SLX4IP: variants seen among roughly 807,000 people sequenced by gnomAD.
SLX4IP encodes protein SLX4IP.
A neutral mutation model predicts 32.9 loss-of-function variants in SLX4IP; 34 were observed. The ratio of observed to expected loss-of-function variants is 1.03; its 90% CI spans 0.79 to 1.38. The LOEUF (loss-of-function observed/expected upper bound fraction) is 1.38, where lower values mean the gene tolerates loss of function less well. SLX4IP is among the 40% of genes most tolerant of loss of function. The pLI, the probability that SLX4IP is intolerant of heterozygous loss-of-function variation, is 0.00. For synonymous variants in SLX4IP, 172 were observed against 171.7 expected (o/e 1.00, Z -0.01); for missense variants, 444 against 479.0 (o/e 0.93, Z 0.68).
chr20:10,621,018 C>T (rs1568778280), intron 6 of SLX4IP, among the ~76,000 whole-genome samples: 1 of 152,190 alleles, frequency 6.6e-6, no homozygotes, highest in Non-Finnish European at 1.5e-5. Context: ...CTGAGCCTCA[C>T]AGATACCAGA....
intron 2 of SLX4IP, among the ~76,000 whole-genome samples, chr20:10,489,879 C>T (rs373311041): frequency 2.6e-5 from 4 of 152,164 alleles, no homozygotes; most frequent in Non-Finnish European, 5.9e-5. Flanking sequence ...TAAGAATTAC[C>T]GAGTTATCTT....
chr20:10,528,395 G>T (rs1274393078), intron 2 of SLX4IP, among the ~76,000 whole-genome samples: 1 of 152,012 alleles, frequency 6.6e-6, no homozygotes, highest in Non-Finnish European at 1.5e-5. Context: ...AATGGGATTT[G>T]CACCTTTCAC....
At chr20:10,582,329 C>T (rs985445972) in intron 4 of SLX4IP, among the ~76,000 whole-genome samples, 1 of 152,076 alleles carries the variant, frequency 6.6e-6, no homozygotes, top group African/African-American at 2.4e-5. Flanking sequence ...CCCTCTGTTC[C>T]TGGTATTTCC....
chr20:10,499,673 A>G (rs1446116468), intron 2 of SLX4IP, among the ~76,000 whole-genome samples: 4 of 152,350 alleles, frequency 2.6e-5, no homozygotes, highest in Middle Eastern at 3.4e-3. Flanking sequence ...ATGACTATAC[A>G]TGAGAACAAG....
intron 4 of SLX4IP, among the ~76,000 whole-genome samples, chr20:10,585,236 C>T (rs1468398517): frequency 6.6e-6 from 1 of 152,216 alleles, no homozygotes; most frequent in Admixed American, 6.5e-5. Flanking sequence ...TACCAATCAC[C>T]TCTCAATTGC....
At chr20:10,460,580 T>A (rs1373313796) in intron 2 of SLX4IP, among the ~76,000 whole-genome samples, 1 of 152,048 alleles carries the variant, frequency 6.6e-6, no homozygotes, top group African/African-American at 2.4e-5. Context: ...GGTGGCTGAG[T>A]TTTGAGGGGT....
intron 6 of SLX4IP, among the ~76,000 whole-genome samples, chr20:10,618,155 T>G (rs1424973018): frequency 1.3e-5 from 2 of 152,230 alleles, no homozygotes; most frequent in East Asian, 3.9e-4. Context: ...CCCTTGGTTC[T>G]GTACTGGGAC....
chr20:10,461,344 G>C (rs2065336317), intron 2 of SLX4IP, among the ~76,000 whole-genome samples: 1 of 152,234 alleles, frequency 6.6e-6, no homozygotes, highest in Non-Finnish European at 1.5e-5. Context: ...TTATAGTGAT[G>C]CCTGCAAGGC....
At chr20:10,536,308 G>T (rs979428256) in intron 2 of SLX4IP, among the ~76,000 whole-genome samples, 1 of 151,624 alleles carries the variant, frequency 6.6e-6, no homozygotes, top group African/African-American at 2.4e-5. Context: ...CAGGAGGATC[G>T]CTTGAGCCCA....
At chr20:10,501,356 A>G (rs752875390) in intron 2 of SLX4IP, among the ~76,000 whole-genome samples, 79 of 152,242 alleles carry the variant, frequency 5.2e-4, no homozygotes, top group Admixed American at 2.0e-4. Context: ...CCCACAGTCT[A>G]TCCTTTCAAA....
chr20:10,505,962 A>G (rs1412877203), intron 2 of SLX4IP, among the ~76,000 whole-genome samples: 1 of 152,168 alleles, frequency 6.6e-6, no homozygotes, highest in Non-Finnish European at 1.5e-5. Flanking sequence ...CATGGTTATG[A>G]TATTGAAACT....
Position 10,626,009 on chromosome 20 carries a change from C to CTTTTTTT in SLX4IP, c.*2647_*2653dup, listed in dbSNP as rs148432517. 1.2e-5 allele frequency: 1 copy of CTTTTTTT among 81,218 alleles called. No homozygotes were observed. The highest frequency in any genetic ancestry group is 4.5e-5 in the African/African-American group (1 of 22,086). 5.0% of individuals were successfully genotyped at this position (81,218 alleles called of 1,614,324 possible). On this transcript the variant is annotated 3_prime_UTR_variant, in exon 8 of 8. Transcript: ENST00000334534. ...TGGGAATGGTATGTGTTTTGACATT[C>CTTTTTTT]TTTTTTTTTTTTTTTTTTTTTTTGA...
intron 6 of SLX4IP, among the ~76,000 whole-genome samples, chr20:10,606,290 C>G (rs2066904606): frequency 6.6e-6 from 1 of 152,090 alleles, no homozygotes. Context: ...AAGAAATAAG[C>G]TAATTAACAT....
chr20:10,540,108 C>CTTCCT (rs2066088213), intron 2 of SLX4IP, among the ~76,000 whole-genome samples: 2 of 109,122 alleles, frequency 1.8e-5, no homozygotes. Flanking sequence ...TCCTTCCTTC[C>CTTCCT]TTCCTTCCTT....
chr20:10,531,508 C>T (rs6040013), intron 2 of SLX4IP, among the ~76,000 whole-genome samples: 1 of 152,144 alleles, frequency 6.6e-6, no homozygotes, highest in African/African-American at 2.4e-5. Flanking sequence ...ATGTTTATTC[C>T]TTATTTCCCA....
At chr20:10,566,589 T>C (rs189054428) in intron 4 of SLX4IP, among the ~76,000 whole-genome samples, 88 of 152,314 alleles carry the variant, frequency 5.8e-4, no homozygotes, top group African/African-American at 2.1e-3. Flanking sequence ...GCACATGTTC[T>C]GCTGGTCGGA....
At chr20:10,596,628 C>T (rs1397113855) in intron 4 of SLX4IP, among the ~76,000 whole-genome samples, 1 of 152,112 alleles carries the variant, frequency 6.6e-6, no homozygotes, top group Non-Finnish European at 1.5e-5. Flanking sequence ...TATATATCAG[C>T]AAAGGTAGAA....
chr20:10,588,390 C>A (rs75062547), intron 4 of SLX4IP, among the ~76,000 whole-genome samples: 2 of 152,130 alleles, frequency 1.3e-5, no homozygotes, highest in East Asian at 3.9e-4. Context: ...GGAACCCTTG[C>A]ATGCTTTTGA....
intron 4 of SLX4IP, among the ~76,000 whole-genome samples, chr20:10,572,778 C>T (rs1170458321): frequency 6.6e-6 from 1 of 152,086 alleles, no homozygotes; most frequent in Non-Finnish European, 1.5e-5. Context: ...TATCTGTAGC[C>T]AAAGTACCTA....
Sources: gnomAD v4.1 joint callset for allele counts (sites outside exome capture counted in the v4.1 genomes callset) on GRCh38, gnomAD v4.1.1 for gene constraint, MANE v1.5 for transcripts, NCBI Gene and HGNC (gene_info 2026-07-23, HGNC 2026-07-21) for gene names.